The following MYO19 variants were observed in gnomAD, a reference collection of about 807,000 sequenced individuals.
MYO19 encodes unconventional myosin-XIX.
In MYO19, 132 loss-of-function variants were observed where a neutral mutation model predicts 129.2. The observed-to-expected ratio is 1.02, with a 90% CI of 0.89 to 1.18. The LOEUF (loss-of-function observed/expected upper bound fraction) is 1.18, where lower values mean the gene tolerates loss of function less well. Among genes scored for constraint, MYO19 ranks in the 50% most tolerant of loss-of-function variants. The pLI, the probability that MYO19 is intolerant of heterozygous loss-of-function variation, is 0.00. For missense variants in MYO19, 1,210 were observed against 1,216.7 expected (o/e 0.99, Z 0.08); for synonymous variants, 531 against 477.2 (o/e 1.11, Z -1.47).
chr17:36,536,635 C>T (rs1309089732), upstream of MYO19, among the ~76,000 whole-genome samples: 1 of 151,620 alleles, frequency 6.6e-6, no homozygotes, highest in African/African-American at 2.4e-5. Flanking sequence ...CTGCCTCAGC[C>T]TCTAAAGTAG....
intron 2 of MYO19, chr17:36,533,722 C>T (rs2073963478): frequency 6.6e-6 from 1 of 152,304 alleles, no homozygotes; most frequent in South Asian, 2.1e-4. Context: ...GTACCCCATC[C>T]AAGGGACAGC....
rs749727120 is a variant in MYO19 at position 36,509,066 on chromosome 17, G to A, written c.1227C>T (p.Phe409=). The A allele has an allele frequency of 1.2e-6, 2 of 1,613,642 alleles. No homozygotes were observed. The highest frequency in any genetic ancestry group is 2.2e-5 in the East Asian group (1 of 44,882). The stretch of plus-strand genomic sequence containing the variant: ...AGCACAGTGAGGCCTTGCTACCTAT[G>A]AAAGTGGTCCACGAGTCGGTGTCTG... The part of the protein sequence containing the change: ...ICADTDSWTT[F]IGLLDVYGFE... The change falls in exon 14 of 26, where the codon TTC becomes TTT. Residue 409 remains phenylalanine (F), a synonymous_variant. Coordinates refer to ENST00000614623, the MANE Select transcript of MYO19 (RefSeq NM_001163735.2).
chr17:36,540,484 C>T (rs1369857221), intron 2 of MYO19, among the ~76,000 whole-genome samples: 2 of 151,726 alleles, frequency 1.3e-5, no homozygotes, highest in Admixed American at 1.3e-4. Flanking sequence ...AATTCTTCTG[C>T]CTCAGCCTCC....
Position 36,515,215 on chromosome 17 carries a change from C to T in MYO19, c.548-33G>A, listed in dbSNP as rs1305541414. The T allele has an allele frequency of 5.0e-6, 8 of 1,598,632 alleles. No homozygotes were observed. The Admixed American group carries it at 1.0e-4, about 20-fold the overall frequency. ...TCACACCTATGTTTATTTCACTCCCCTGGGTTTGCAGAGTCCTCATAAGCC... is the reference window on the plus strand; with the variant it reads ...TCACACCTATGTTTATTTCACTCCCTTGGGTTTGCAGAGTCCTCATAAGCC... On this transcript the variant is annotated intron_variant, in intron 7 of 25. Transcript: ENST00000614623.
chr17:36,527,506 G>A, intron 5 of MYO19, 45 bp downstream of exon 5: 1 of 1,593,554 alleles, frequency 6.3e-7, no homozygotes, highest in Non-Finnish European at 8.5e-7. Flanking sequence ...AGGTTTAGCG[G>A]GAGGTAGAGG....
intron 6 of MYO19, 75 bp from the exon 7 acceptor site, chr17:36,516,065 C>A: frequency 6.8e-7 from 1 of 1,468,032 alleles, no homozygotes; most frequent in South Asian, 1.3e-5. Context: ...GAGAACAGTG[C>A]CCACCAGAGC....
chr17:36,506,824 G>A (rs2071927821), intron 17 of MYO19, 139 bp downstream of exon 17: 2 of 1,189,872 alleles, frequency 1.7e-6, no homozygotes, highest in Admixed American at 6.0e-5. Flanking sequence ...TCAGACAGGT[G>A]GGCCCAAGAT....
intron 18 of MYO19, among the ~76,000 whole-genome samples, chr17:36,505,849 C>A (rs532019119): frequency 6.6e-6 from 1 of 152,246 alleles, no homozygotes; most frequent in Non-Finnish European, 1.5e-5. Context: ...ATGGGCCACA[C>A]ATGTTGGATG....
chr17:36,529,284 T>G (rs969747732), intron 3 of MYO19, among the ~76,000 whole-genome samples: 33 of 152,104 alleles, frequency 2.2e-4, no homozygotes, highest in African/African-American at 7.0e-4. Context: ...CTCAGCTTCC[T>G]GAGTAATTGG....
At chr17:36,497,422 T>C (rs2071089973) in intron 25 of MYO19, among the ~76,000 whole-genome samples, 1 of 151,750 alleles carries the variant, frequency 6.6e-6, no homozygotes, top group Non-Finnish European at 1.5e-5. Flanking sequence ...GGGGAAAACA[T>C]GGTGCCAAAT....
chr17:36,507,443 G>A lies in MYO19; in HGVS notation c.1423C>T (p.Leu475Phe), dbSNP rs7217346. ...NYQDNQPCLDLIEGSPISICS... is the reference protein window; with the variant it reads ...NYQDNQPCLDFIEGSPISICS... ...ATGCTGATGGGGCTTCCCTCAATGAGATCCAAACAGGGCTGGTTGTCCTGG... is the reference window on the plus strand; with the variant it reads ...ATGCTGATGGGGCTTCCCTCAATGAAATCCAAACAGGGCTGGTTGTCCTGG... Residue 475 changes from leucine (L) to phenylalanine (F), a missense_variant, in exon 16 of 26, where the codon CTC becomes TTC. By Grantham distance (22) the Leu-to-Phe change is conservative (BLOSUM62 0). Transcript: ENST00000614623. 2 of 1,613,590 alleles carry A rather than the reference G, an allele frequency of 1.2e-6. No individual in the cohort carries two copies. The highest frequency in any genetic ancestry group is 1.3e-5 in the African/African-American group (1 of 74,888).
At chr17:36,513,863 G>A (rs1164440692) in intron 9 of MYO19, 138 bp from the exon 10 acceptor site, 11 of 699,012 alleles carry the variant, frequency 1.6e-5, no homozygotes, top group East Asian at 5.4e-5. Context: ...GAGAGCCCAC[G>A]GCAGGTATGG....
intron 1 of MYO19, among the ~76,000 whole-genome samples, chr17:36,534,472 TG>T (rs2074011132): frequency 6.6e-6 from 1 of 152,054 alleles, no homozygotes; most frequent in Non-Finnish European, 1.5e-5. Context: ...GGTCCTCAGC[TG>T]GGCGAAGAGT....
chr17:36,537,561 A>C, upstream of MYO19: 1 of 1,614,072 alleles, frequency 6.2e-7, no homozygotes, highest in Non-Finnish European at 8.5e-7. Context: ...ACTTTTTCCC[A>C]GAAGATTTGC....
chr17:36,511,720 G>A (rs146427608), intron 11 of MYO19, among the ~76,000 whole-genome samples: 7 of 152,318 alleles, frequency 4.6e-5, no homozygotes, highest in Non-Finnish European at 7.3e-5. Context: ...GGGGAAAGGT[G>A]GGATGAGAAC....
intron 11 of MYO19, among the ~76,000 whole-genome samples, chr17:36,512,072 T>C (rs2072368240): frequency 6.6e-6 from 1 of 152,062 alleles, no homozygotes; most frequent in Admixed American, 6.5e-5. Flanking sequence ...CAGACCCAGC[T>C]AGGCATGGTG....
intron 11 of MYO19, among the ~76,000 whole-genome samples, chr17:36,512,196 A>AACACACACAC (rs57765074): frequency 0.023 from 3,194 of 138,158 alleles, 55 homozygotes; most frequent in African/African-American, 0.037. Context: ...ACTAAAAATA[A>AACACACACAC]ACACACACAC....
upstream of MYO19, chr17:36,538,070 G>A (rs1476685333): frequency 6.2e-7 from 1 of 1,614,194 alleles, no homozygotes; most frequent in Non-Finnish European, 8.5e-7. Context: ...TGCAAACAGG[G>A]TTATATATGC....
Position 36,525,337 on chromosome 17 carries a change from A to G in MYO19, c.305T>C (p.Leu102Pro). ...ACCCACAGTGAACACATGGGGCTTCAGTTTCTGGAACATCAAGGAGTGAAA... is the reference window on the plus strand; with the variant it reads ...ACCCACAGTGAACACATGGGGCTTCGGTTTCTGGAACATCAAGGAGTGAAA... ...EYHAAPQPQK[L>P]KPHVFTVGEQ... is the part of the protein sequence containing the mutation. The change falls in exon 6 of 26, where the codon CTG becomes CCG. Residue 102 changes from leucine to proline, a missense_variant. By Grantham distance (98) the Leu-to-Pro change is moderately conservative. Coordinates refer to ENST00000614623, the MANE Select transcript of MYO19 (RefSeq NM_001163735.2). 6.2e-7 allele frequency: 1 copy of G among 1,610,240 alleles called. No homozygotes were observed. Among genetic ancestry groups the G allele is most frequent in the East Asian group, 2.2e-5 (1 of 44,802 alleles).
Sources: allele counts gnomAD v4.1 joint callset (sites outside exome capture counted in the v4.1 genomes callset), GRCh38; gene constraint gnomAD v4.1.1; transcripts MANE v1.5; gene names NCBI Gene and HGNC (gene_info 2026-07-23, HGNC 2026-07-21).